The following FAM171A1 variants were observed in gnomAD, a reference collection of about 807,000 sequenced individuals.
FAM171A1 encodes protein FAM171A1.
A neutral mutation model predicts 74.9 loss-of-function variants in FAM171A1; 23 were observed. That is an observed-to-expected ratio of 0.31 (90% CI 0.22 to 0.44). FAM171A1 has a LOEUF of 0.44. Among genes scored for constraint, FAM171A1 ranks in the 20% least tolerant of loss-of-function variants. The pLI is 1.00. For missense variants in FAM171A1, 1,162 were observed against 1,159.2 expected (o/e 1.00, Z -0.03); for synonymous variants, 527 against 505.7 (o/e 1.04, Z -0.57).
At chr10:15,313,003 T>C (rs1204479202) in intron 1 of FAM171A1, among the ~76,000 whole-genome samples, 1 of 152,070 alleles carries the variant, frequency 6.6e-6, no homozygotes, top group African/African-American at 2.4e-5. Context: ...CCTTGCACTT[T>C]TTTATTCTCT....
chr10:15,269,660 A>G (rs778959358), intron 3 of FAM171A1, among the ~76,000 whole-genome samples: 5 of 152,120 alleles, frequency 3.3e-5, no homozygotes, highest in Non-Finnish European at 7.3e-5. Context: ...AGTCTTTAGG[A>G]GTGACCCTGT....
intron 3 of FAM171A1, among the ~76,000 whole-genome samples, chr10:15,259,572 AT>A (rs1436733430): frequency 6.6e-6 from 1 of 152,220 alleles, no homozygotes; most frequent in Non-Finnish European, 1.5e-5. Flanking sequence ...AAAATATGTT[AT>A]TTAATATTTA....
chr10:15,300,930 A>C (rs1035952814), intron 1 of FAM171A1, among the ~76,000 whole-genome samples: 3 of 152,216 alleles, frequency 2.0e-5, no homozygotes, highest in Admixed American at 1.3e-4. Flanking sequence ...AAGCGTCTAC[A>C]GAAAGTTTAC....
intron 1 of FAM171A1, among the ~76,000 whole-genome samples, chr10:15,365,209 A>G (rs1261418522): frequency 6.6e-6 from 1 of 152,154 alleles, no homozygotes; most frequent in Non-Finnish European, 1.5e-5. Context: ...TTCCTACTGC[A>G]TGGATTTTAA....
chr10:15,256,043 C>T (rs1278433044), intron 3 of FAM171A1, among the ~76,000 whole-genome samples: 1 of 152,132 alleles, frequency 6.6e-6, no homozygotes, highest in African/African-American at 2.4e-5. Flanking sequence ...TTTGTGCAAA[C>T]CTGGCAAAAG....
At chr10:15,221,535 C>A (rs1834039895) in intron 5 of FAM171A1, among the ~76,000 whole-genome samples, 1 of 152,174 alleles carries the variant, frequency 6.6e-6, no homozygotes, top group Admixed American at 6.6e-5. Flanking sequence ...TCCCTTCATC[C>A]CATCTTTGCA....
At chr10:15,313,420 C>T (rs1481788240) in intron 1 of FAM171A1, among the ~76,000 whole-genome samples, 5 of 152,184 alleles carry the variant, frequency 3.3e-5, no homozygotes, top group Admixed American at 3.3e-4. Context: ...TCTCTGTCCT[C>T]GTGGTCTTAA....
chr10:15,288,306 T>C (rs1031773829), intron 1 of FAM171A1, among the ~76,000 whole-genome samples: 8 of 152,148 alleles, frequency 5.3e-5, no homozygotes, highest in Admixed American at 5.2e-4. Flanking sequence ...GATAAAATGG[T>C]AGTCCTTTTT....
Position 15,283,996 on chromosome 10 carries a change from C to T in FAM171A1, c.207G>A (p.Gly69=). The change falls in exon 2 of 8, where the codon GGG becomes GGA. Residue 69 remains glycine, a synonymous_variant. Coordinates refer to ENST00000378116, the MANE Select transcript of FAM171A1 (RefSeq NM_001010924.2). The stretch of plus-strand genomic sequence containing the variant: ...ACTTGATAAAGGCGACGCCATCAGT[C>T]CCCGAGGTGCCAGAGGCTATGGAGG... The part of the protein sequence containing the change: ...NQASIASGTS[G]TDGVAFIKFQ... 6.2e-7 allele frequency: 1 copy of T among 1,614,166 alleles called. No homozygotes were observed. Among genetic ancestry groups the T allele is most frequent in the South Asian group, 1.1e-5 (1 of 91,076 alleles).
Position 15,254,898 on chromosome 10 carries a change from G to T in FAM171A1, c.419-19C>A. Reference sequence around the variant, plus strand: ...CGGGCACCTGCAGAGATTAACCTCCGAGTTATCTCCCCCAGGAGCAGTTTC... The same window carrying T: ...CGGGCACCTGCAGAGATTAACCTCCTAGTTATCTCCCCCAGGAGCAGTTTC... On this transcript the variant is annotated intron_variant, in intron 3 of 7. Coordinates refer to ENST00000378116, the MANE Select transcript of FAM171A1 (RefSeq NM_001010924.2). The T allele has an allele frequency of 1.2e-6, 2 of 1,606,532 alleles. No individual in the cohort carries two copies. Among genetic ancestry groups the T allele is most frequent in the Non-Finnish European group, 1.7e-6 (2 of 1,174,286 alleles).
chr10:15,331,316 T>C (rs1835628520), intron 1 of FAM171A1, among the ~76,000 whole-genome samples: 1 of 152,182 alleles, frequency 6.6e-6, no homozygotes, highest in African/African-American at 2.4e-5. Flanking sequence ...GTTGAATACT[T>C]TCCTCAAAGT....
At chr10:15,255,492 G>T (rs1380200903) in intron 3 of FAM171A1, among the ~76,000 whole-genome samples, 1 of 152,136 alleles carries the variant, frequency 6.6e-6, no homozygotes, top group East Asian at 1.9e-4. Context: ...TTATGTCACA[G>T]AATTTAGGAT....
Position 15,213,142 on chromosome 10 carries a change from A to C in FAM171A1, c.2446T>G (p.Leu816Val), listed in dbSNP as rs1395452715. 2 of 1,613,872 alleles carry C rather than the reference A, an allele frequency of 1.2e-6. No homozygotes were observed. Among genetic ancestry groups the C allele is most frequent in the Non-Finnish European group, 1.7e-6 (2 of 1,179,966 alleles). ...CTPEDSALRC[L>V]LEGSSRRSGG... is the part of the protein sequence containing the mutation. The stretch of plus-strand genomic sequence containing the variant: ...CTTCTCCGACTCGACCCCTCCAACA[A>C]GCATCGCAGGGCACTGTCCTCGGGG... The change falls in exon 8 of 8, where the codon TTG (leucine) becomes GTG (valine). Residue 816 changes from leucine (L) to valine (V), a missense_variant. Leu to Val is a conservative substitution (Grantham distance 32). Transcript: ENST00000378116. This position sits in a 1 kb window ranked among gnomAD's most constrained non-coding sequence, Gnocchi z 6.8.
intron 1 of FAM171A1, among the ~76,000 whole-genome samples, chr10:15,288,372 A>G (rs933246332): frequency 4.0e-5 from 6 of 151,732 alleles, no homozygotes; most frequent in African/African-American, 1.5e-4. Flanking sequence ...TAAGTTTTTT[A>G]GTGGTGATTT....
chr10:15,263,403 A>C (rs1046177099), intron 3 of FAM171A1, among the ~76,000 whole-genome samples: 2 of 152,228 alleles, frequency 1.3e-5, no homozygotes, highest in Non-Finnish European at 2.9e-5. Context: ...GATCTTCAGC[A>C]AAGGACAAAA....
intron 5 of FAM171A1, among the ~76,000 whole-genome samples, chr10:15,231,823 G>A (rs966306890): frequency 2.6e-5 from 4 of 152,188 alleles, no homozygotes; most frequent in African/African-American, 9.6e-5. Context: ...GGTGGCTCAT[G>A]CCAGCAATCT....
At position 15,362,520 on chromosome 10, in the gene FAM171A1, G is replaced by A. The variant is rs563581517; in HGVS notation, c.97+8436C>T. Among the ~76,000 whole-genome samples the A allele has an allele frequency of 4.3e-4, 66 of 152,276 alleles. 1 individual carries two copies. The South Asian group carries it at 9.8e-3, about 23-fold the overall frequency. On this transcript the variant is annotated intron_variant, in intron 1 of 7. Coordinates refer to ENST00000378116, the MANE Select transcript of FAM171A1 (RefSeq NM_001010924.2). ...CAGGAGTTTGAGACCAGGCTGGCCC[G>A]TCTCTACTAAATCTGAGATGGGGTG...
intron 4 of FAM171A1, 58 bp downstream of exon 4, chr10:15,254,663 C>T: frequency 1.3e-6 from 2 of 1,568,678 alleles, no homozygotes; most frequent in East Asian, 2.3e-5. Flanking sequence ...ACCTAAAATC[C>T]ACATGTAAAG....
chr10:15,313,837 C>G (rs1348676955), intron 1 of FAM171A1, among the ~76,000 whole-genome samples: 3 of 152,130 alleles, frequency 2.0e-5, no homozygotes, highest in African/African-American at 7.2e-5. Context: ...AGTGTGTGAT[C>G]AGAGAAAAGC....
Sources: allele counts gnomAD v4.1 joint callset (sites outside exome capture counted in the v4.1 genomes callset), GRCh38; gene constraint gnomAD v4.1.1; non-coding constraint Gnocchi (gnomAD v3.1); transcripts MANE v1.5; gene names NCBI Gene and HGNC (gene_info 2026-07-23, HGNC 2026-07-21).